PRR16: variants seen among roughly 807,000 people sequenced by gnomAD.
PRR16 encodes the protein protein Largen.
PRR16 carries 6 observed loss-of-function variants against 18.2 expected under a neutral mutation model. That is an observed-to-expected ratio of 0.33 (90% CI 0.18 to 0.65). The LOEUF is 0.65. PRR16 is among the 30% of genes least tolerant of loss of function. The pLI is 0.74. For missense variants in PRR16, 412 were observed against 376.6 expected (o/e 1.09, Z -0.78); for synonymous variants, 151 against 147.8 (o/e 1.02, Z -0.16).
At chr5:120,529,435 C>G (rs538584893) in intron 1 of PRR16, among the ~76,000 whole-genome samples, 74 of 152,142 alleles carry the variant, frequency 4.9e-4, no homozygotes, top group African/African-American at 1.6e-3. Flanking sequence ...TATGCTGTGT[C>G]TTTATTTTTA....
chr5:120,555,947 T>G (rs1257281385), intron 1 of PRR16, among the ~76,000 whole-genome samples: 3 of 151,848 alleles, frequency 2.0e-5, no homozygotes, highest in African/African-American at 7.3e-5. Context: ...TAAAAAAGAC[T>G]TTATTTCCAT....
the PRR16 span, among the ~76,000 whole-genome samples, chr5:120,794,342 A>C: frequency 6.6e-6 from 1 of 152,094 alleles, no homozygotes; most frequent in Non-Finnish European, 1.5e-5. Context: ...TGTGGCCTAT[A>C]TGGGGCAAGT....
At position 120,675,860 on chromosome 5, in the gene PRR16, T is replaced by G. The variant is rs1185126837; in HGVS notation, c.160-10094T>G. Among the ~76,000 whole-genome samples, 3 of 152,296 alleles carry G rather than the reference T, an allele frequency of 2.0e-5. No homozygotes were observed. The East Asian group carries it at 5.8e-4, about 29-fold the overall frequency. On this transcript the variant is annotated intron_variant, in intron 1 of 1. Coordinates refer to ENST00000407149, the MANE Select transcript of PRR16 (RefSeq NM_001300783.2). ...AAAAATATTATTAGGTATTAAATACTTAATTTATTAGGCTCAACTATGAAT... is the reference window on the plus strand; with the variant it reads ...AAAAATATTATTAGGTATTAAATACGTAATTTATTAGGCTCAACTATGAAT...
chr5:120,609,458 C>A (rs1754265299), intron 1 of PRR16, among the ~76,000 whole-genome samples: 1 of 152,122 alleles, frequency 6.6e-6, no homozygotes, highest in East Asian at 1.9e-4. Flanking sequence ...GTTTACTTAG[C>A]TTTTCTTTTC....
chr5:120,720,720 A>T, the PRR16 span, among the ~76,000 whole-genome samples: 1 of 151,996 alleles, frequency 6.6e-6, no homozygotes, highest in Non-Finnish European at 1.5e-5. Context: ...CATTATGCAA[A>T]ATTTTATTAT....
the PRR16 span, among the ~76,000 whole-genome samples, chr5:120,709,788 C>T: frequency 6.6e-6 from 1 of 152,152 alleles, no homozygotes; most frequent in Non-Finnish European, 1.5e-5. Context: ...TCTCCAGTTT[C>T]ACCCATGTTG....
chr5:120,643,808 C>T (rs1021621428), intron 1 of PRR16, among the ~76,000 whole-genome samples: 1 of 151,908 alleles, frequency 6.6e-6, no homozygotes, highest in Admixed American at 6.6e-5. Flanking sequence ...AGATCAAGAC[C>T]AACGTGGCCA....
chr5:120,467,667 TG>T lies in PRR16; in HGVS notation c.159+3025del, dbSNP rs1749146225. The stretch of plus-strand genomic sequence containing the variant: ...TGCTCAGCAAGAAGAGTTGTTATTT[TG>T]GGTATCTGTTTTATGATTATTTAGT... On this transcript the variant is annotated intron_variant, in intron 1 of 1. Coordinates refer to ENST00000407149, the MANE Select transcript of PRR16 (RefSeq NM_001300783.2). Among the ~76,000 whole-genome samples the T allele has an allele frequency of 2.6e-5, 4 of 152,278 alleles. No individual in the cohort carries two copies. In the South Asian group the frequency reaches 8.3e-4, roughly 32 times the overall value.
the PRR16 span, among the ~76,000 whole-genome samples, chr5:120,758,190 GTTTATA>G: frequency 6.6e-6 from 1 of 152,044 alleles, no homozygotes; most frequent in African/African-American, 2.4e-5. Context: ...AATGGAAATA[GTTTATA>G]TTTATTATGA....
chr5:120,765,859 T>A, the PRR16 span, among the ~76,000 whole-genome samples: 1 of 152,168 alleles, frequency 6.6e-6, no homozygotes, highest in South Asian at 2.1e-4. Flanking sequence ...AGAGGTAAGT[T>A]CATAGCCTTT....
intron 1 of PRR16, among the ~76,000 whole-genome samples, chr5:120,627,449 A>C (rs971296897): frequency 2.8e-4 from 42 of 152,104 alleles, no homozygotes; most frequent in African/African-American, 8.4e-4. Flanking sequence ...ACTGCAAGCT[A>C]TAAGGGTTTA....
chr5:120,588,582 A>G (rs1224567040), intron 1 of PRR16, among the ~76,000 whole-genome samples: 1 of 152,152 alleles, frequency 6.6e-6, no homozygotes, highest in African/African-American at 2.4e-5. Context: ...AGGTATGCAC[A>G]TTTTTTTAGA....
Position 120,593,164 on chromosome 5 carries a change from A to G in PRR16, c.160-92790A>G, listed in dbSNP as rs546753176. Reference sequence around the variant, plus strand: ...GCAGAAGACAAGAAATAATGAAAATAAGAGCTGAACTGAAGGAGATTGAGA... The same window carrying G: ...GCAGAAGACAAGAAATAATGAAAATGAGAGCTGAACTGAAGGAGATTGAGA... On this transcript the variant is annotated intron_variant, in intron 1 of 1. Coordinates refer to ENST00000407149, the MANE Select transcript of PRR16 (RefSeq NM_001300783.2). 1.4e-3 allele frequency among the ~76,000 whole-genome samples: 218 copies of G among 152,126 alleles called. 1 individual carries two copies. Among genetic ancestry groups the G allele is most frequent in the African/African-American group, 4.3e-3 (177 of 41,550 alleles).
At chr5:120,689,784 G>A (rs1253108099), downstream of PRR16, among the ~76,000 whole-genome samples, 3 of 150,758 alleles carry the variant, frequency 2.0e-5, no homozygotes, top group East Asian at 5.8e-4. Flanking sequence ...TTTAGACAAA[G>A]ATTTTCCCAT....
intron 1 of PRR16, among the ~76,000 whole-genome samples, chr5:120,674,547 C>A (rs1756729980): frequency 6.6e-6 from 1 of 152,140 alleles, no homozygotes; most frequent in Non-Finnish European, 1.5e-5. Context: ...CCTGAAGAAA[C>A]TGTATTGATC....
chr5:120,659,337 T>C (rs1430479260), intron 1 of PRR16, among the ~76,000 whole-genome samples: 1 of 152,042 alleles, frequency 6.6e-6, no homozygotes, highest in Non-Finnish European at 1.5e-5. Flanking sequence ...AGAGTTTCTG[T>C]TTGTTTTCTC....
chr5:120,682,370 T>C (rs1756998762), intron 1 of PRR16, among the ~76,000 whole-genome samples: 1 of 152,182 alleles, frequency 6.6e-6, no homozygotes, highest in Admixed American at 6.5e-5. Flanking sequence ...TTTGAAGATC[T>C]AGTCAAAGTG....
intron 1 of PRR16, among the ~76,000 whole-genome samples, chr5:120,590,679 T>C (rs1310783397): frequency 6.6e-6 from 1 of 152,124 alleles, no homozygotes; most frequent in Non-Finnish European, 1.5e-5. Flanking sequence ...CTTCTTGATA[T>C]GTGGCCTCTC....
chr5:120,524,290 T>C (rs920266980), intron 1 of PRR16, among the ~76,000 whole-genome samples: 3 of 152,172 alleles, frequency 2.0e-5, no homozygotes, highest in Non-Finnish European at 4.4e-5. Context: ...CGAATTACCA[T>C]TCTGAAAAAT....
Sources: gnomAD v4.1 joint callset for allele counts (sites outside exome capture counted in the v4.1 genomes callset) on GRCh38, gnomAD v4.1.1 for gene constraint, MANE v1.5 for transcripts, NCBI Gene and HGNC (gene_info 2026-07-23, HGNC 2026-07-21) for gene names.